The following PLEKHH2 variants were observed in gnomAD, a reference collection of about 807,000 sequenced individuals.
PLEKHH2 encodes pleckstrin homology domain-containing family H member 2.
Under a neutral mutation model 187.9 loss-of-function variants are expected in PLEKHH2, and 129 were observed. That is an observed-to-expected ratio of 0.69 (90% CI 0.59 to 0.79). PLEKHH2 has a LOEUF of 0.79. PLEKHH2 is among the 30% of genes least tolerant of loss of function. The pLI, the probability that PLEKHH2 is intolerant of heterozygous loss-of-function variation, is 0.00. For missense variants in PLEKHH2, 2,076 were observed against 1,751.2 expected, an observed-to-expected ratio of 1.19 and a Z score of -3.31; for synonymous variants, 686 against 605.6, an observed-to-expected ratio of 1.13 and a Z score of -1.95.
intron 1 of PLEKHH2, among the ~76,000 whole-genome samples, chr2:43,644,360 C>G (rs1198846298): frequency 6.6e-6 from 1 of 152,020 alleles, no homozygotes; most frequent in Non-Finnish European, 1.5e-5. Flanking sequence ...CACTACATAC[C>G]CACAAGGAAT....
intron 10 of PLEKHH2, 33 bp downstream of exon 10, chr2:43,706,449 C>T (rs772514900): frequency 7.1e-7 from 1 of 1,413,326 alleles, no homozygotes; most frequent in East Asian, 2.3e-5. Flanking sequence ...AAAACATGTG[C>T]TTCTCTTCAT....
intron 5 of PLEKHH2, 102 bp from the exon 6 acceptor site, chr2:43,695,041 A>T: frequency 1.8e-6 from 1 of 560,576 alleles, no homozygotes; most frequent in Admixed American, 3.7e-5. Flanking sequence ...TTGCTTACAC[A>T]TGTAGAGAAA....
chr2:43,676,103 T>C (rs376422606), intron 2 of PLEKHH2: 6 of 1,613,982 alleles, frequency 3.7e-6, no homozygotes, highest in Admixed American at 1.7e-5. Context: ...TCTCCAAAGA[T>C]GATACAGAAA....
chr2:43,659,520 C>G (rs1666962760), intron 2 of PLEKHH2, among the ~76,000 whole-genome samples: 1 of 150,976 alleles, frequency 6.6e-6, no homozygotes, highest in African/African-American at 2.4e-5. Context: ...ATATTGTTAT[C>G]TGTCTTTCTT....
rs967858504 is a variant in PLEKHH2 at position 43,766,761 on chromosome 2, C to T, written c.*1163C>T. The T allele has an allele frequency of 1.3e-5, 2 of 152,030 alleles. No homozygotes were observed. The highest frequency in any genetic ancestry group is 4.8e-5 in the African/African-American group (2 of 41,346). 9.4% of individuals were successfully genotyped at this position (152,030 alleles called of 1,614,324 possible). ...TAGAAGCATGCACCACCATGCCCAT[C>T]TAATATTTGTATTTTTAGTAGAGAC... On this transcript the variant is annotated 3_prime_UTR_variant, in exon 30 of 30. Transcript: ENST00000282406.
At chr2:43,673,278 G>A (rs552441895) in intron 2 of PLEKHH2, among the ~76,000 whole-genome samples, 1 of 152,218 alleles carries the variant, frequency 6.6e-6, no homozygotes, top group Non-Finnish European at 1.5e-5. Context: ...TGTAATGACT[G>A]TATGGTATCT....
At chr2:43,745,455 C>G (rs997399446) in intron 23 of PLEKHH2, among the ~76,000 whole-genome samples, 1 of 152,140 alleles carries the variant, frequency 6.6e-6, no homozygotes, top group Non-Finnish European at 1.5e-5. Context: ...AGACCTGGGT[C>G]TAGACTCTTT....
chr2:43,701,559 C>T (rs987151968), intron 8 of PLEKHH2, among the ~76,000 whole-genome samples: 1 of 151,960 alleles, frequency 6.6e-6, no homozygotes, highest in Non-Finnish European at 1.5e-5. Flanking sequence ...TGAACTTAGT[C>T]GTTATTTGAT....
chr2:43,640,608 G>A (rs1034871061), intron 1 of PLEKHH2, among the ~76,000 whole-genome samples: 2 of 152,138 alleles, frequency 1.3e-5, no homozygotes, highest in Admixed American at 1.3e-4. Flanking sequence ...AACACTTGTT[G>A]TTAGATGTCT....
chr2:43,730,005 T>C (rs186362214), intron 18 of PLEKHH2, among the ~76,000 whole-genome samples: 26 of 152,218 alleles, frequency 1.7e-4, no homozygotes, highest in Admixed American at 1.6e-3. Flanking sequence ...GCCCCCTTCG[T>C]TGGCAGTCCT....
rs1558513944 is a variant in PLEKHH2, at chr2:43,699,709, A to G, written c.751A>G (p.Thr251Ala). The G allele has an allele frequency of 6.2e-7, 1 of 1,614,240 alleles. No homozygotes were observed. The highest frequency in any genetic ancestry group is 8.5e-7 in the Non-Finnish European group (1 of 1,180,030). The stretch of plus-strand genomic sequence containing the variant: ...TCTAGAAAACAACAGAGGCCAGAGA[A>G]CATTGCATCAAACCCCTTGTGGCTC... ...QVLENNRGQR[T>A]LHQTPCGSEQ... Residue 251 changes from threonine (T) to alanine (A), a missense_variant, in exon 8 of 30, where the codon ACA (threonine) becomes GCA (alanine). Coordinates refer to ENST00000282406, the MANE Select transcript of PLEKHH2 (RefSeq NM_172069.4).
At chr2:43,758,772 C>A (rs1672313949) in intron 26 of PLEKHH2, 128 bp from the exon 27 acceptor site, 1 of 695,788 alleles carries the variant, frequency 1.4e-6, no homozygotes, top group East Asian at 3.0e-5. Context: ...AAATCTTTAC[C>A]TGGGTTATGC....
At chr2:43,728,782 A>T (rs1003856109) in intron 17 of PLEKHH2, among the ~76,000 whole-genome samples, 1 of 151,982 alleles carries the variant, frequency 6.6e-6, no homozygotes, top group Admixed American at 6.6e-5. Context: ...GGCTGGTCTC[A>T]AACCCCTGAC....
rs534028482 is a variant in PLEKHH2, at chr2:43,698,876, T to C, written c.689-771T>C. Among the ~76,000 whole-genome samples the C allele has an allele frequency of 6.2e-4, 94 of 152,326 alleles. 1 individual carries two copies. Among genetic ancestry groups the C allele is most frequent in the African/African-American group, 2.2e-3 (90 of 41,584 alleles). ...ATCTAAAGATATTTTTAAAGAGTGT[T>C]ATTCTTATTATAAAAACACATTTTG... On this transcript the variant is annotated intron_variant, in intron 7 of 29. Coordinates refer to ENST00000282406, the MANE Select transcript of PLEKHH2 (RefSeq NM_172069.4).
At chr2:43,765,226 T>A (rs1239691916) in intron 29 of PLEKHH2, among the ~76,000 whole-genome samples, 187 bp from the exon 30 acceptor site, 1 of 152,186 alleles carries the variant, frequency 6.6e-6, no homozygotes, top group East Asian at 1.9e-4. Flanking sequence ...GTTTAAGTAA[T>A]GAAAAAACGT....
At chr2:43,732,649 C>A (rs1671096208) in intron 19 of PLEKHH2, among the ~76,000 whole-genome samples, 1 of 152,144 alleles carries the variant, frequency 6.6e-6, no homozygotes, top group Admixed American at 6.5e-5. Flanking sequence ...TTTTACTCTT[C>A]CACTTTTTCT....
chr2:43,743,130 A>G (rs1224424770), intron 22 of PLEKHH2, among the ~76,000 whole-genome samples: 2 of 152,248 alleles, frequency 1.3e-5, no homozygotes, highest in Non-Finnish European at 2.9e-5. Context: ...CAAATAAGGG[A>G]TGGGCTTCAC....
chr2:43,681,310 G>T, intron 3 of PLEKHH2: 1 of 804,854 alleles, frequency 1.2e-6, no homozygotes, highest in Non-Finnish European at 2.0e-6. Context: ...TGTCTGTGTT[G>T]GTGAGGAATT....
At chr2:43,754,772 C>G (rs1025241554) in intron 25 of PLEKHH2, among the ~76,000 whole-genome samples, 11 of 151,938 alleles carry the variant, frequency 7.2e-5, no homozygotes, top group Non-Finnish European at 1.5e-4. Flanking sequence ...CCCAGGACAT[C>G]TCAATCATTC....
Sources: gnomAD v4.1 joint callset for allele counts (sites outside exome capture counted in the v4.1 genomes callset) on GRCh38, gnomAD v4.1.1 for gene constraint, MANE v1.5 for transcripts, NCBI Gene and HGNC (gene_info 2026-07-23, HGNC 2026-07-21) for gene names.